The following ATP23 variants were observed in gnomAD, a reference collection of about 807,000 sequenced individuals.
The protein encoded by ATP23 is ATP23 metallopeptidase and ATP synthase assembly factor homolog, also known as mitochondrial inner membrane protease ATP23 homolog.
In ATP23, 24 loss-of-function variants were observed where a neutral mutation model predicts 28.5. That is an observed-to-expected ratio of 0.84 (90% CI 0.61 to 1.18). The LOEUF (loss-of-function observed/expected upper bound fraction) is 1.18. ATP23 is among the 50% of genes most tolerant of loss of function. ATP23 has a pLI of 0.00. For missense variants in ATP23, 274 were observed against 306.4 expected (o/e 0.89, Z 0.79); for synonymous variants, 99 against 108.6 (o/e 0.91, Z 0.55).
intron 5 of ATP23, among the ~76,000 whole-genome samples, chr12:57,954,194 C>CAAAAAAA (rs11357155): frequency 2.8e-5 from 2 of 71,442 alleles, no homozygotes; most frequent in African/African-American, 5.5e-5. Context: ...GACTCCATCT[C>CAAAAAAA]AAAAAAAAAA....
rs879879155 is a variant in ATP23 at position 57,957,916 on chromosome 12, A to C, written c.*1026A>C. ...GAACTTGGGAGAGGGCACAAATCCC[A>C]TGTGCAGAATCCACAGAGGGGAAGA... On this transcript the variant is annotated 3_prime_UTR_variant, in exon 6 of 6. Coordinates refer to ENST00000300145, the MANE Select transcript of ATP23 (RefSeq NM_033276.4). Among the ~76,000 whole-genome samples the C allele has an allele frequency of 1.3e-5, 2 of 152,214 alleles. No individual in the cohort carries two copies.
chr12:57,942,682 C>G (rs1430854077), intron 1 of ATP23, among the ~76,000 whole-genome samples: 1 of 152,114 alleles, frequency 6.6e-6, no homozygotes, highest in Non-Finnish European at 1.5e-5. Flanking sequence ...CTCGGCCTCC[C>G]AAAGTGCTGG....
chr12:57,952,511 C>T (rs948015358), intron 4 of ATP23, among the ~76,000 whole-genome samples: 12 of 152,146 alleles, frequency 7.9e-5, no homozygotes, highest in African/African-American at 2.4e-4. Context: ...TTACTAAGCA[C>T]GTTGGATTGC....
Position 57,951,856 on chromosome 12 carries a change from C to T in ATP23, c.414C>T (p.Val138=), listed in dbSNP as rs370316643. Residue 138 remains valine (V), a synonymous_variant, in exon 4 of 6, where the codon GTC becomes GTT. Transcript: ENST00000300145. The part of the protein sequence containing the change: ...IHAFDHCRAH[V]DWFTNIRHLA... ...CATTTGATCATTGTCGTGCCCATGT[C>T]GACTGGTTCACCAACATCAGACATT... The T allele has an allele frequency of 1.3e-5, 21 of 1,614,014 alleles. No homozygotes were observed. The highest frequency in any genetic ancestry group is 1.2e-4 in the African/African-American group (9 of 74,898).
At position 57,952,792 on chromosome 12, in the gene ATP23, TA is replaced by T. The variant is rs201622191; in HGVS notation, c.454-813del. 9.2e-3 allele frequency among the ~76,000 whole-genome samples: 1,405 copies of T among 152,300 alleles called. 12 individuals carry two copies. The highest frequency in any genetic ancestry group is 0.037 in the Middle Eastern group (11 of 294). ...TTTTAGCTAGTTAAAGTGTGTTAAG[TA>T]CTTTGAGCTCCTCAGAGGAATGAGG... On this transcript the variant is annotated intron_variant, in intron 4 of 5. Coordinates refer to ENST00000300145, the MANE Select transcript of ATP23 (RefSeq NM_033276.4).
At chr12:57,942,656 C>T (rs1464526666) in intron 1 of ATP23, among the ~76,000 whole-genome samples, 3 of 152,140 alleles carry the variant, frequency 2.0e-5, no homozygotes, top group Non-Finnish European at 4.4e-5. Context: ...ATCTCCTGAC[C>T]TCGTGATCTG....
At chr12:57,952,941 A>G (rs914059315) in intron 4 of ATP23, among the ~76,000 whole-genome samples, 1 of 152,224 alleles carries the variant, frequency 6.6e-6, no homozygotes, top group African/African-American at 2.4e-5. Context: ...TCATTGAAGT[A>G]TAGTAAATCT....
chr12:57,950,686 G>A (rs1757872501), intron 3 of ATP23, among the ~76,000 whole-genome samples: 1 of 151,764 alleles, frequency 6.6e-6, no homozygotes, highest in African/African-American at 2.4e-5. Flanking sequence ...CACCATGCCT[G>A]GCTAATTTTT....
chr12:57,955,268 G>T (rs973507380), intron 5 of ATP23, among the ~76,000 whole-genome samples: 1 of 142,610 alleles, frequency 7.0e-6, no homozygotes, highest in East Asian at 2.2e-4. Context: ...ATATACTAAA[G>T]AAATAGAGCA....
chr12:57,944,867 C>T (rs1404028194), intron 1 of ATP23, among the ~76,000 whole-genome samples: 1 of 152,198 alleles, frequency 6.6e-6, no homozygotes, highest in Non-Finnish European at 1.5e-5. Flanking sequence ...TAGTCACCAT[C>T]CCCTGTGGAA....
rs544638980 is a variant in ATP23 at position 57,958,530 on chromosome 12, G to A, written c.*1640G>A. ...GGAACAGGTGCTGGTATCCACAGCC[G>A]AGAGACCCATAGACGGTTCACATCA... On this transcript the variant is annotated 3_prime_UTR_variant, in exon 6 of 6. Transcript: ENST00000300145. Among the ~76,000 whole-genome samples, 15 of 152,262 alleles carry A rather than the reference G, an allele frequency of 9.9e-5. No individual in the cohort carries two copies. Among genetic ancestry groups the A allele is most frequent in the East Asian group, 3.9e-4 (2 of 5,174 alleles).
At chr12:57,952,488 A>G (rs1218793290) in intron 4 of ATP23, among the ~76,000 whole-genome samples, 3 of 152,176 alleles carry the variant, frequency 2.0e-5, no homozygotes, top group Non-Finnish European at 4.4e-5. Context: ...AATACAACAT[A>G]AAAAGATATT....
At position 57,956,759 on chromosome 12, in the gene ATP23, G is replaced by T. The variant is rs748437126; in HGVS notation, c.610G>T (p.Ala204Ser). ...RNISKEVAKK[A>S]VDEVFESCFN... ...TATCAGCAAAGAAGTAGCTAAAAAGGCTGTTGATGAAGTTTTTGAATCTTG... is the reference window on the plus strand; with the variant it reads ...TATCAGCAAAGAAGTAGCTAAAAAGTCTGTTGATGAAGTTTTTGAATCTTG... Residue 204 changes from alanine to serine, a missense_variant, in exon 6 of 6, where the codon GCT becomes TCT. By Grantham distance (99) the Ala-to-Ser change is moderately conservative (BLOSUM62 1). Transcript: ENST00000300145. 9 of 1,613,846 alleles carry T rather than the reference G, an allele frequency of 5.6e-6. No individual in the cohort carries two copies. Among genetic ancestry groups the T allele is most frequent in the South Asian group, 5.5e-5 (5 of 91,082 alleles).
At chr12:57,945,195 T>G (rs764588366) in intron 1 of ATP23, among the ~76,000 whole-genome samples, 42 of 152,354 alleles carry the variant, frequency 2.8e-4, no homozygotes, top group Middle Eastern at 6.8e-3. Flanking sequence ...GATGTTGATT[T>G]AAGCTTGGCC....
At chr12:57,951,975 T>G in intron 4 of ATP23, 80 bp downstream of exon 4, 2 of 1,545,606 alleles carry the variant, frequency 1.3e-6, no homozygotes, top group South Asian at 2.4e-5. Context: ...AATGTATTCC[T>G]TTTCTTACTG....
At chr12:57,945,934 C>T (rs1050390420) in intron 2 of ATP23, among the ~76,000 whole-genome samples, 14 of 150,366 alleles carry the variant, frequency 9.3e-5, no homozygotes, top group Admixed American at 4.6e-4. Flanking sequence ...GGTGCTGTCT[C>T]GGCTCAGTGC....
chr12:57,950,731 G>C (rs1956807516), intron 3 of ATP23, among the ~76,000 whole-genome samples: 1 of 151,628 alleles, frequency 6.6e-6, no homozygotes, highest in Non-Finnish European at 1.5e-5. Context: ...GTTTTGCTCT[G>C]TTGCCCAGGC....
chr12:57,945,609 A>G lies in ATP23; in HGVS notation c.188-19A>G, dbSNP rs780343472. 6 of 1,603,620 alleles carry G rather than the reference A, an allele frequency of 3.7e-6. No individual in the cohort carries two copies. The highest frequency in any genetic ancestry group is 5.1e-6 in the Non-Finnish European group (6 of 1,170,784). ...GTGCTACTTTTCCAATTACTTAATT[A>G]AATCAATATCTTTTTTAGATCCATA... On this transcript the variant is annotated intron_variant, in intron 1 of 5. Transcript: ENST00000300145.
At position 57,951,890 on chromosome 12, in the gene ATP23, T is replaced by C. The variant is rs372613854; in HGVS notation, c.448T>C (p.Ser150Pro). The change falls in exon 4 of 6, where the codon TCA becomes CCA. Residue 150 changes from serine to proline, a missense_variant. Ser to Pro is a moderately conservative substitution (Grantham distance 74). Coordinates refer to ENST00000300145, the MANE Select transcript of ATP23 (RefSeq NM_033276.4). The stretch of plus-strand genomic sequence containing the variant: ...CACCAACATCAGACATTTGGCGTGC[T>C]CAGAGGTGAGTTTTATTGTATTTTT... The part of the protein sequence containing the change: ...WFTNIRHLAC[S>P]EVRAANLSGD... The C allele has an allele frequency of 5.1e-5, 83 of 1,614,072 alleles. No homozygotes were observed. Among genetic ancestry groups the C allele is most frequent in the Non-Finnish European group, 6.9e-5 (82 of 1,180,014 alleles).
Sources: allele counts gnomAD v4.1 joint callset (sites outside exome capture counted in the v4.1 genomes callset), GRCh38; gene constraint gnomAD v4.1.1; transcripts MANE v1.5; gene names NCBI Gene and HGNC (gene_info 2026-07-23, HGNC 2026-07-21).